PTPRD: variants seen among roughly 807,000 people sequenced by gnomAD.
PTPRD encodes the protein receptor-type tyrosine-protein phosphatase delta.
In PTPRD, 34 loss-of-function variants were observed where a neutral mutation model predicts 214.5. The ratio of observed to expected loss-of-function variants is 0.16; its 90% CI spans 0.12 to 0.21. PTPRD has a LOEUF of 0.21. Ranked by LOEUF, PTPRD falls within the 10% of genes least tolerant of loss-of-function variation. The pLI is 1.00. For missense variants in PTPRD, 2,545 were observed against 2,398.7 expected (o/e 1.06, Z -1.27); for synonymous variants, 1,128 against 845.7 (o/e 1.33, Z -5.79).
intron 34 of PTPRD, among the ~76,000 whole-genome samples, chr9:8,444,613 C>T (rs1179156715): frequency 6.6e-6 from 1 of 151,900 alleles, no homozygotes; most frequent in Admixed American, 6.6e-5. Context: ...CCGTTTCCCA[C>T]CATATAATTA....
At chr9:8,638,804 T>C (rs1038061828) in intron 12 of PTPRD, among the ~76,000 whole-genome samples, 66 of 152,308 alleles carry the variant, frequency 4.3e-4, no homozygotes, top group African/African-American at 1.5e-3. Flanking sequence ...TACTAGGAGC[T>C]GTGGGAAGTA....
At chr9:10,210,671 GTA>G (rs2099511573) in intron 3 of PTPRD, among the ~76,000 whole-genome samples, 2 of 148,788 alleles carry the variant, frequency 1.3e-5, no homozygotes, top group African/African-American at 2.5e-5. Context: ...GTTTATATAT[GTA>G]TATGTTTATA....
intron 8 of PTPRD, among the ~76,000 whole-genome samples, chr9:9,567,866 AG>A (rs2085071917): frequency 6.6e-6 from 1 of 151,982 alleles, no homozygotes; most frequent in African/African-American, 2.4e-5. Flanking sequence ...AGATGTGAAA[AG>A]GTATTTGCTG....
At chr9:8,858,816 C>T (rs548136385) in intron 11 of PTPRD, among the ~76,000 whole-genome samples, 59 of 146,580 alleles carry the variant, frequency 4.0e-4, no homozygotes, top group Non-Finnish European at 4.6e-4. Flanking sequence ...CACACACACA[C>T]ACACACACAC....
intron 3 of PTPRD, among the ~76,000 whole-genome samples, chr9:10,230,162 C>A (rs948934056): frequency 3.3e-5 from 5 of 151,978 alleles, no homozygotes; most frequent in African/African-American, 4.8e-5. Flanking sequence ...AGTCAATCAT[C>A]AAAAGATAGG....
chr9:9,784,687 G>C (rs966596094), intron 5 of PTPRD, among the ~76,000 whole-genome samples: 4 of 149,650 alleles, frequency 2.7e-5, no homozygotes, highest in African/African-American at 9.8e-5. Flanking sequence ...TAGTGGAACT[G>C]TGCTAGCTTA....
intron 8 of PTPRD, among the ~76,000 whole-genome samples, chr9:9,438,107 G>A (rs2086062748): frequency 6.6e-6 from 1 of 152,072 alleles, no homozygotes; most frequent in Admixed American, 6.6e-5. Context: ...CTTCTCATAA[G>A]GCCACAGTTA....
chr9:9,090,297 G>C (rs992440526), intron 10 of PTPRD, among the ~76,000 whole-genome samples: 4 of 152,078 alleles, frequency 2.6e-5, no homozygotes, highest in African/African-American at 9.7e-5. Flanking sequence ...ACATATAAGT[G>C]AGAACACGCA....
At chr9:10,313,167 A>G (rs950748639) in intron 3 of PTPRD, among the ~76,000 whole-genome samples, 1 of 151,954 alleles carries the variant, frequency 6.6e-6, no homozygotes, top group South Asian at 2.1e-4. Flanking sequence ...AGGAGCCTAC[A>G]TAAGAGCATA....
At chr9:9,104,420 C>T (rs779320896) in intron 10 of PTPRD, among the ~76,000 whole-genome samples, 17 of 152,242 alleles carry the variant, frequency 1.1e-4, no homozygotes, top group Non-Finnish European at 1.9e-4. Flanking sequence ...AGATAGTGTG[C>T]CAATTCCTGA....
At chr9:10,535,740 T>C (rs2057622823) in intron 2 of PTPRD, among the ~76,000 whole-genome samples, 1 of 152,136 alleles carries the variant, frequency 6.6e-6, no homozygotes, top group Non-Finnish European at 1.5e-5. Flanking sequence ...CAACAGCTCA[T>C]CTCAGTCTCA....
At chr9:10,150,391 C>T (rs1260509699) in intron 3 of PTPRD, among the ~76,000 whole-genome samples, 1 of 152,076 alleles carries the variant, frequency 6.6e-6, no homozygotes, top group Non-Finnish European at 1.5e-5. Context: ...AACCATCATT[C>T]TGAGCAAACC....
chr9:9,928,744 ATCTC>A (rs202188021), intron 5 of PTPRD, among the ~76,000 whole-genome samples: 1 of 137,924 alleles, frequency 7.3e-6, no homozygotes, highest in African/African-American at 2.8e-5. Context: ...AGTAGCAGTC[ATCTC>A]TCTCTCTATA....
intron 7 of PTPRD, among the ~76,000 whole-genome samples, chr9:9,646,405 C>A (rs992631920): frequency 1.3e-5 from 2 of 150,658 alleles, no homozygotes; most frequent in African/African-American, 4.9e-5. Flanking sequence ...TTTCTAATTC[C>A]ATTGTTGAAA....
intron 14 of PTPRD, among the ~76,000 whole-genome samples, chr9:8,574,975 TAATTCA>T (rs1439660003): frequency 6.6e-6 from 1 of 152,044 alleles, no homozygotes; most frequent in Non-Finnish European, 1.5e-5. Flanking sequence ...AAAAGCAAAT[TAATTCA>T]ACCTTGGCAA....
At chr9:10,140,463 A>G (rs900097602) in intron 3 of PTPRD, among the ~76,000 whole-genome samples, 1 of 152,038 alleles carries the variant, frequency 6.6e-6, no homozygotes, top group South Asian at 2.1e-4. Flanking sequence ...AGAGAATAGT[A>G]TAAACACCTC....
chr9:9,179,909 A>G (rs1172934018), intron 10 of PTPRD, among the ~76,000 whole-genome samples: 1 of 152,116 alleles, frequency 6.6e-6, no homozygotes, highest in African/African-American at 2.4e-5. Flanking sequence ...GTGAGGAGTA[A>G]ATGTCATATA....
chr9:10,051,454 TTTA>T (rs2097533553), intron 3 of PTPRD, among the ~76,000 whole-genome samples: 2 of 152,178 alleles, frequency 1.3e-5, no homozygotes, highest in Admixed American at 6.6e-5. Flanking sequence ...TTTTTTACAT[TTTA>T]TTATTATTAT....
intron 11 of PTPRD, among the ~76,000 whole-genome samples, chr9:8,743,079 T>C (rs929423896): frequency 4.3e-5 from 6 of 139,136 alleles, no homozygotes; most frequent in East Asian, 4.9e-4. Context: ...GAACAGCTCA[T>C]TGGCACAGAG....
Sources: gnomAD v4.1 joint callset for allele counts (sites outside exome capture counted in the v4.1 genomes callset) on GRCh38, gnomAD v4.1.1 for gene constraint, MANE v1.5 for transcripts, NCBI Gene and HGNC (gene_info 2026-07-23, HGNC 2026-07-21) for gene names.